The following WDR49 variants were observed in gnomAD, a reference collection of about 807,000 sequenced individuals.
WDR49 encodes WD repeat domain 49, also known as cilia- and flagella-associated protein 337.
Under a neutral mutation model 119.5 loss-of-function variants are expected in WDR49, and 107 were observed. The ratio of observed to expected loss-of-function variants is 0.90; its 90% CI spans 0.77 to 1.05. WDR49 has a LOEUF of 1.05. WDR49 is among the 50% of genes least tolerant of loss of function. WDR49 has a pLI of 0.00. For synonymous variants in WDR49, 425 were observed against 418.8 expected (o/e 1.01, Z -0.18); for missense variants, 1,240 against 1,220.5 (o/e 1.02, Z -0.24).
chr3:167,531,095 A>C lies in WDR49; in HGVS notation c.2218+20T>G. 6.3e-7 allele frequency: 1 copy of C among 1,597,636 alleles called. No homozygotes were observed. The highest frequency in any genetic ancestry group is 1.8e-5 in the Admixed American group (1 of 56,162). On this transcript the variant is annotated intron_variant, in intron 13 of 18. Coordinates refer to ENST00000682715, the MANE Select transcript of WDR49 (RefSeq NM_001366157.1). ...TTGCTCCCTTTCCAACTATATGTAA[A>C]ATGTAAATATATATTTTACCTGTCA...
At chr3:167,491,911 A>G (rs757041926) in intron 18 of WDR49, among the ~76,000 whole-genome samples, 7 of 152,210 alleles carry the variant, frequency 4.6e-5, no homozygotes, top group Non-Finnish European at 1.0e-4. Flanking sequence ...CCCAGCAGGT[A>G]TGGCTAAAAC....
intron 17 of WDR49, among the ~76,000 whole-genome samples, chr3:167,504,519 T>C (rs1453112851): frequency 1.3e-5 from 2 of 152,214 alleles, no homozygotes; most frequent in Non-Finnish European, 2.9e-5. Flanking sequence ...CCATTTTATC[T>C]TGAAAGTAAA....
At chr3:167,602,511 G>T (rs1715825371) in intron 6 of WDR49, among the ~76,000 whole-genome samples, 1 of 151,994 alleles carries the variant, frequency 6.6e-6, no homozygotes, top group African/African-American at 2.4e-5. Context: ...AGGGGAAAAG[G>T]CTATGTATGA....
intron 5 of WDR49, among the ~76,000 whole-genome samples, chr3:167,609,435 T>C (rs987562741): frequency 1.3e-5 from 2 of 152,126 alleles, no homozygotes; most frequent in Admixed American, 6.5e-5. Context: ...CTCTGTGCTG[T>C]CCTGGCAAAG....
intron 7 of WDR49, among the ~76,000 whole-genome samples, chr3:167,593,145 G>A (rs966020302): frequency 2.0e-5 from 3 of 151,936 alleles, no homozygotes; most frequent in Admixed American, 6.6e-5. Flanking sequence ...GATATGTTTC[G>A]CTAGGTTTAG....
intron 16 of WDR49, among the ~76,000 whole-genome samples, chr3:167,512,031 G>C (rs770872739): frequency 2.2e-4 from 33 of 152,284 alleles, no homozygotes; most frequent in Non-Finnish European, 4.1e-4. Context: ...TCCTTCTGCT[G>C]GCTCTGAGGA....
intron 6 of WDR49, 64 bp downstream of exon 6, chr3:167,604,237 A>C: frequency 1.3e-6 from 2 of 1,568,970 alleles, no homozygotes; most frequent in East Asian, 4.5e-5. Context: ...GGCTCCATGC[A>C]TACAAATATA....
At chr3:167,647,293 A>G (rs973909850) in intron 2 of WDR49, among the ~76,000 whole-genome samples, 9 of 152,186 alleles carry the variant, frequency 5.9e-5, no homozygotes, top group African/African-American at 1.9e-4. Flanking sequence ...CCACTTGTTT[A>G]CTAAAGGCAC....
At chr3:167,575,656 C>A (rs1714208541) in intron 8 of WDR49, among the ~76,000 whole-genome samples, 1 of 152,168 alleles carries the variant, frequency 6.6e-6, no homozygotes, top group East Asian at 1.9e-4. Flanking sequence ...AATTATATTA[C>A]AGGTTGTTTT....
chr3:167,499,737 C>G (rs565094217), intron 18 of WDR49, among the ~76,000 whole-genome samples: 1 of 152,158 alleles, frequency 6.6e-6, no homozygotes, highest in African/African-American at 2.4e-5. Context: ...TAAGACAATA[C>G]ATTTTAAGTC....
At chr3:167,603,231 C>A (rs973323771) in intron 6 of WDR49, among the ~76,000 whole-genome samples, 1 of 151,842 alleles carries the variant, frequency 6.6e-6, no homozygotes, top group African/African-American at 2.4e-5. Flanking sequence ...TAGCTTAGGG[C>A]CAGTTGTGGA....
At chr3:167,502,784 A>G (rs7624289) in intron 17 of WDR49, among the ~76,000 whole-genome samples, 2,333 of 152,304 alleles carry the variant, frequency 0.015, 59 homozygotes, top group African/African-American at 0.053. Flanking sequence ...CCTAGCTTAG[A>G]TATGGGAGCA....
intron 2 of WDR49, among the ~76,000 whole-genome samples, chr3:167,640,951 T>C (rs1717853861): frequency 6.6e-6 from 1 of 151,848 alleles, no homozygotes; most frequent in Non-Finnish European, 1.5e-5. Context: ...CTCCAACCCA[T>C]ACACCTACTT....
chr3:167,571,665 GT>G (rs1713947073), intron 8 of WDR49, among the ~76,000 whole-genome samples: 1 of 152,240 alleles, frequency 6.6e-6, no homozygotes, highest in East Asian at 1.9e-4. Flanking sequence ...AGAAAAGTAT[GT>G]TACAGAGCCT....
At chr3:167,637,918 A>C (rs956981602) in intron 2 of WDR49, among the ~76,000 whole-genome samples, 9 of 151,496 alleles carry the variant, frequency 5.9e-5, no homozygotes, top group South Asian at 4.2e-4. Context: ...CTAGGTATAG[A>C]GTCATATCAT....
chr3:167,533,414 A>G (rs1752918320), intron 11 of WDR49, among the ~76,000 whole-genome samples: 1 of 152,160 alleles, frequency 6.6e-6, no homozygotes, highest in Non-Finnish European at 1.5e-5. Context: ...AGTATTTACA[A>G]TAGCACTGAG....
intron 13 of WDR49, among the ~76,000 whole-genome samples, chr3:167,530,164 A>C (rs980381538): frequency 6.6e-6 from 1 of 152,114 alleles, no homozygotes; most frequent in Non-Finnish European, 1.5e-5. Context: ...ATGTTTTTAA[A>C]CTATACCTTT....
At chr3:167,542,334 C>T (rs144717753) in intron 10 of WDR49, among the ~76,000 whole-genome samples, 1 of 152,080 alleles carries the variant, frequency 6.6e-6, no homozygotes, top group Non-Finnish European at 1.5e-5. Flanking sequence ...GCAGAATATA[C>T]ATCCTTTTCA....
intron 7 of WDR49, among the ~76,000 whole-genome samples, chr3:167,590,563 T>C (rs1715057383): frequency 6.6e-6 from 1 of 152,038 alleles, no homozygotes; most frequent in African/African-American, 2.4e-5. Flanking sequence ...CTTTTAACTA[T>C]GGCTTCAGTC....
Sources: allele counts gnomAD v4.1 joint callset (sites outside exome capture counted in the v4.1 genomes callset), GRCh38; gene constraint gnomAD v4.1.1; transcripts MANE v1.5; gene names NCBI Gene and HGNC (gene_info 2026-07-23, HGNC 2026-07-21).